The following ARL15 variants were observed in gnomAD, a reference collection of about 807,000 sequenced individuals.
ARL15 encodes ARF like GTPase 15.
ARL15 carries 19 observed loss-of-function variants against 25.2 expected under a neutral mutation model. That is an observed-to-expected ratio of 0.75 (90% CI 0.53 to 1.10). The LOEUF is 1.10. Ranked by LOEUF, ARL15 falls within the 50% of genes least tolerant of loss-of-function variation. ARL15 has a pLI of 0.00. For missense variants in ARL15, 220 were observed against 246.0 expected, an observed-to-expected ratio of 0.89 and a Z score of 0.71; for synonymous variants, 94 against 86.8, an observed-to-expected ratio of 1.08 and a Z score of -0.46.
intron 1 of ARL15, among the ~76,000 whole-genome samples, chr5:54,277,100 G>T (rs935240277): frequency 9.2e-5 from 14 of 151,890 alleles, no homozygotes; most frequent in Admixed American, 7.2e-4. Flanking sequence ...ATTGAATTAG[G>T]GTAGGATTTG....
At chr5:54,140,658 C>A (rs1490301802) in intron 3 of ARL15, among the ~76,000 whole-genome samples, 1 of 152,002 alleles carries the variant, frequency 6.6e-6, no homozygotes, top group Admixed American at 6.6e-5. Flanking sequence ...GGCATTTTGC[C>A]AAGATGTGGA....
intron 4 of ARL15, among the ~76,000 whole-genome samples, chr5:53,899,467 TATTTC>T (rs1744995008): frequency 6.6e-6 from 1 of 151,830 alleles, no homozygotes; most frequent in Admixed American, 6.6e-5. Flanking sequence ...TCCTAATCTC[TATTTC>T]ATTTATTTCT....
intron 1 of ARL15, among the ~76,000 whole-genome samples, chr5:54,200,470 C>T (rs1755690495): frequency 6.6e-6 from 1 of 151,918 alleles, no homozygotes; most frequent in South Asian, 2.1e-4. Flanking sequence ...GATATGAAAA[C>T]TCTAGAGAAG....
chr5:54,028,698 C>T (rs2111879096), intron 4 of ARL15, among the ~76,000 whole-genome samples: 1 of 152,210 alleles, frequency 6.6e-6, no homozygotes, highest in African/African-American at 2.4e-5. Context: ...TCTGAATACA[C>T]TAAGTGTAGT....
At chr5:54,208,019 C>A (rs1184020993) in intron 1 of ARL15, among the ~76,000 whole-genome samples, 1 of 152,066 alleles carries the variant, frequency 6.6e-6, no homozygotes, top group African/African-American at 2.4e-5. Context: ...ATATTGAGAG[C>A]CCAAGGCCCC....
intron 1 of ARL15, among the ~76,000 whole-genome samples, chr5:54,221,854 C>CAT (rs1756384310): frequency 6.8e-6 from 1 of 147,838 alleles, no homozygotes; most frequent in Non-Finnish European, 1.5e-5. Flanking sequence ...CACACACACA[C>CAT]ACACACACAC....
At chr5:54,090,736 A>G (rs999676357) in intron 4 of ARL15, among the ~76,000 whole-genome samples, 2 of 152,154 alleles carry the variant, frequency 1.3e-5, no homozygotes, top group African/African-American at 2.4e-5. Context: ...ATAAAAAAGG[A>G]TAATTATAAA....
At chr5:54,297,526 G>A (rs1453385563) in intron 1 of ARL15, among the ~76,000 whole-genome samples, 1 of 152,198 alleles carries the variant, frequency 6.6e-6, no homozygotes, top group Non-Finnish European at 1.5e-5. Context: ...TAGTAATCTG[G>A]ATGCATTGTC....
chr5:54,122,654 G>T (rs992924023), intron 3 of ARL15, among the ~76,000 whole-genome samples: 1 of 152,160 alleles, frequency 6.6e-6, no homozygotes, highest in Non-Finnish European at 1.5e-5. Context: ...AAGGCAGGGG[G>T]TGCCATTTGT....
intron 4 of ARL15, among the ~76,000 whole-genome samples, chr5:53,985,368 C>A (rs1748259607): frequency 6.6e-6 from 1 of 152,176 alleles, no homozygotes; most frequent in African/African-American, 2.4e-5. Context: ...CTATTAAATA[C>A]ATTCATAATG....
At chr5:54,067,527 T>C (rs567320534) in intron 4 of ARL15, among the ~76,000 whole-genome samples, 1 of 152,282 alleles carries the variant, frequency 6.6e-6, no homozygotes, top group African/African-American at 2.4e-5. Flanking sequence ...AGAATAAAAA[T>C]ATGTACAGGA....
chr5:54,163,355 G>GTTTTTTTTTTTTTTTTTTTTT lies in ARL15; in HGVS notation c.193+8428_193+8429insAAAAAAAAAAAAAAAAAAAAA, dbSNP rs1754465268. Among the ~76,000 whole-genome samples the GTTTTTTTTTTTTTTTTTTTTT allele has an allele frequency of 3.3e-4, 17 of 51,342 alleles. 5 individuals carry two copies. The highest frequency in any genetic ancestry group is 9.1e-4 in the African/African-American group (11 of 12,068). The allele number at this position is 51,342 out of a possible 152,430, so 33.7% of individuals were successfully genotyped here. Reference sequence around the variant, plus strand: ...TGTCCATGAGGGCTATTGGTATGAAGCTTTTTTTTTTTTTTTTTTTTTTTT... The same window carrying GTTTTTTTTTTTTTTTTTTTTT: ...TGTCCATGAGGGCTATTGGTATGAAGTTTTTTTTTTTTTTTTTTTTTCTTTTTTTTTTTTTTTTTTTTTTTT... On this transcript the variant is annotated intron_variant, in intron 2 of 4. Transcript: ENST00000504924.
Position 54,258,246 on chromosome 5 carries a change from G to A in ARL15, c.48+52186C>T, listed in dbSNP as rs111839848. Among the ~76,000 whole-genome samples, 946 of 152,178 alleles carry A rather than the reference G, an allele frequency of 6.2e-3. 7 individuals carry two copies. Among genetic ancestry groups the A allele is most frequent in the African/African-American group, 0.022 (905 of 41,490 alleles). ...CAAGCTACTCCAGAAGCCTGAGGTAGGGGGATCACTTCAACTTGGGAGGCT... is the reference window on the plus strand; with the variant it reads ...CAAGCTACTCCAGAAGCCTGAGGTAAGGGGATCACTTCAACTTGGGAGGCT... On this transcript the variant is annotated intron_variant, in intron 1 of 4. Coordinates refer to ENST00000504924, the MANE Select transcript of ARL15 (RefSeq NM_019087.3).
intron 4 of ARL15, among the ~76,000 whole-genome samples, chr5:53,938,390 C>A (rs1449518749): frequency 6.6e-6 from 1 of 152,170 alleles, no homozygotes; most frequent in African/African-American, 2.4e-5. Context: ...TTTTTACTTT[C>A]TTGTACAAGG....
At chr5:54,083,072 T>C (rs1425994665) in intron 4 of ARL15, among the ~76,000 whole-genome samples, 1 of 152,150 alleles carries the variant, frequency 6.6e-6, no homozygotes, top group Non-Finnish European at 1.5e-5. Context: ...GTTTAAAGGT[T>C]AGGATTTCAC....
In ARL15 at chr5:54,074,437, C is replaced by T. The variant is rs111890292; in HGVS notation, c.462+38765G>A. ...AGATTGTCAATAAAATGTTGTAAAT[C>T]CAAGAGTAAGCTAATAAACAACTGA... On this transcript the variant is annotated intron_variant, in intron 4 of 4. Transcript: ENST00000504924. Among the ~76,000 whole-genome samples the T allele has an allele frequency of 6.0e-3, 914 of 152,018 alleles. 5 individuals are homozygous for T. Among genetic ancestry groups the T allele is most frequent in the Middle Eastern group, 0.01 (3 of 294 alleles).
chr5:54,147,045 C>T (rs1033501437), intron 3 of ARL15, among the ~76,000 whole-genome samples: 1 of 152,166 alleles, frequency 6.6e-6, no homozygotes, highest in Non-Finnish European at 1.5e-5. Context: ...CCCTGGGATC[C>T]TATTCAACCA....
chr5:54,051,103 C>T (rs1750688859), intron 4 of ARL15, among the ~76,000 whole-genome samples: 1 of 152,178 alleles, frequency 6.6e-6, no homozygotes, highest in Admixed American at 6.5e-5. Context: ...GATTAGTAAG[C>T]TTTCCATCGT....
intron 4 of ARL15, among the ~76,000 whole-genome samples, chr5:54,054,517 G>A (rs1210597548): frequency 1.3e-5 from 2 of 152,190 alleles, no homozygotes; most frequent in Non-Finnish European, 2.9e-5. Context: ...AGAGCTGGGC[G>A]CTGTGGCTCA....
Sources: gnomAD v4.1 joint callset for allele counts (sites outside exome capture counted in the v4.1 genomes callset) on GRCh38, gnomAD v4.1.1 for gene constraint, MANE v1.5 for transcripts, NCBI Gene and HGNC (gene_info 2026-07-23, HGNC 2026-07-21) for gene names.